The following IGSF9B variants were observed in gnomAD, a reference collection of about 807,000 sequenced individuals.
IGSF9B encodes protein turtle homolog B.
Under a neutral mutation model 143.7 loss-of-function variants are expected in IGSF9B, and 48 were observed. That is an observed-to-expected ratio of 0.33 (90% CI 0.26 to 0.42). IGSF9B has a LOEUF of 0.42. Among genes scored for constraint, IGSF9B ranks in the 20% least tolerant of loss-of-function variants. The pLI is 1.00. For missense variants in IGSF9B, 1,706 were observed against 1,980.0 expected, an observed-to-expected ratio of 0.86 and a Z score of 2.63; for synonymous variants, 903 against 833.1, an observed-to-expected ratio of 1.08 and a Z score of -1.44.
At position 133,925,908 on chromosome 11, in the gene IGSF9B, A is replaced by G. The variant is rs1371540466; in HGVS notation, c.1865T>C (p.Ile622Thr). 2.5e-6 allele frequency: 4 copies of G among 1,611,984 alleles called. No homozygotes were observed. Among genetic ancestry groups the G allele is most frequent in the Non-Finnish European group, 2.5e-6 (3 of 1,179,014 alleles). Residue 622 changes from isoleucine (I) to threonine (T), a missense_variant, in exon 14 of 20, where the codon ATA (isoleucine) becomes ACA (threonine). Coordinates refer to ENST00000533871, the MANE Select transcript of IGSF9B (RefSeq NM_001277285.4). ...LVLVTPPRCL[I>T]ANRTQQGVLL... ...CACACCCTGCTGAGTCCGATTGGCT[A>G]TGAGGCACCTCGGTGGGGTGACCAG...
Position 133,913,936 on chromosome 11 carries a change from A to AG in IGSF9B, c.3984-1930dup, listed in dbSNP as rs774012040. On this transcript the variant is annotated intron_variant, in intron 18 of 19. Coordinates refer to ENST00000533871, the MANE Select transcript of IGSF9B (RefSeq NM_001277285.4). The surrounding 1 kb of genome is among the most constrained non-coding windows in gnomAD (Gnocchi z 4.6). ...CACACAGGGTGAGCGACGTGTGGTC[A>AG]GGGAGGCGCATGACCGGCAAGAAGA... 2.6e-5 allele frequency among the ~76,000 whole-genome samples: 4 copies of AG among 152,190 alleles called. No individual in the cohort carries two copies. Among genetic ancestry groups the AG allele is most frequent in the Admixed American group, 2.0e-4 (3 of 15,280 alleles).
chr11:133,935,566 C>G (rs910967392), intron 7 of IGSF9B, 51 bp downstream of exon 7: 44 of 1,569,876 alleles, frequency 2.8e-5, no homozygotes, highest in Admixed American at 5.4e-5. Flanking sequence ...TGGCTAACAC[C>G]AAAACCTTCT....
At chr11:133,926,059 G>A (rs1208045153) in intron 13 of IGSF9B, 94 bp from the exon 14 acceptor site, 1 of 895,366 alleles carries the variant, frequency 1.1e-6, no homozygotes, top group East Asian at 2.7e-5. Flanking sequence ...TCAGGGCCCA[G>A]AGGGAAGCAG....
chr11:133,939,969 C>T (rs1216987459), intron 3 of IGSF9B, among the ~76,000 whole-genome samples: 2 of 145,498 alleles, frequency 1.4e-5, no homozygotes, highest in Non-Finnish European at 3.0e-5. Context: ...TCCTCGCATG[C>T]GTCATCACAT....
chr11:133,927,134 TG>T (rs1467990069), intron 12 of IGSF9B, 43 bp from the exon 13 acceptor site: 16 of 1,473,352 alleles, frequency 1.1e-5, no homozygotes, highest in Non-Finnish European at 1.4e-5. Flanking sequence ...AGGGGCGGGG[TG>T]GGTCACACTG....
intron 4 of IGSF9B, 42 bp downstream of exon 4, chr11:133,937,768 G>A (rs1939852709): frequency 6.3e-7 from 1 of 1,592,978 alleles, no homozygotes; most frequent in African/African-American, 1.3e-5. Flanking sequence ...TGGGGAAACG[G>A]GGGAAGAGAC....
At position 133,932,107 on chromosome 11, in the gene IGSF9B, C is replaced by G; in HGVS notation, c.1074G>C (p.Lys358Asn). 1 of 1,613,896 alleles carries G rather than the reference C, an allele frequency of 6.2e-7. No individual in the cohort carries two copies. Among genetic ancestry groups the G allele is most frequent in the Non-Finnish European group, 8.5e-7 (1 of 1,179,832 alleles). ...GCAGGGGACGGCCGTCCTTGTTCCA[C>G]TTGACCACGGTGGCCGGTGGTTCTG... ...VDAEPPATVV[K>N]WNKDGRPLQV... Residue 358 changes from lysine (K) to asparagine (N), a missense_variant, in exon 8 of 20, where the codon AAG (lysine) becomes AAC (asparagine). This residue lies in a region of IGSF9B where 238 missense variants were observed against 452.6 expected (regional missense o/e 0.53). Coordinates refer to ENST00000533871, the MANE Select transcript of IGSF9B (RefSeq NM_001277285.4).
Position 133,919,099 on chromosome 11 carries a change from C to G in IGSF9B, c.3983+643G>C, listed in dbSNP as rs766389662. 16 of 345,420 alleles carry G rather than the reference C, an allele frequency of 4.6e-5. 1 individual carries two copies. Among genetic ancestry groups the G allele is most frequent in the Non-Finnish European group, 8.7e-5 (15 of 173,088 alleles). The allele number at this position is 345,420 out of a possible 1,614,324, so 21.4% of individuals were successfully genotyped here. On this transcript the variant is annotated intron_variant, in intron 18 of 19. Transcript: ENST00000533871. ...TCGCGGGAGCTGGTCTGTCTCTCTG[C>G]AGCTTCCTGCGAGGTATACGGGGGG...
chr11:133,931,020 T>C lies in IGSF9B; in HGVS notation c.1483A>G (p.Thr495Ala), dbSNP rs1939717204. Reference sequence around the variant, plus strand: ...AGGTGGGTGCTGGCAGTGATGCTCGTGACCACGTTGGTGGCGACACATTCC... The same window carrying C: ...AGGTGGGTGCTGGCAGTGATGCTCGCGACCACGTTGGTGGCGACACATTCC... ...EWECVATNVVTSITASTHLTV... is the reference protein window; with the variant it reads ...EWECVATNVVASITASTHLTV... The change falls in exon 11 of 20, where the codon ACG becomes GCG. Residue 495 changes from threonine (T) to alanine (A), a missense_variant. By Grantham distance (58) the Thr-to-Ala change is moderately conservative. Around this residue, in one of 7 missense-constraint regions of IGSF9B, gnomAD observed 267 missense variants for 321.1 expected, o/e 0.83. Coordinates refer to ENST00000533871, the MANE Select transcript of IGSF9B (RefSeq NM_001277285.4). This position sits in a 1 kb window ranked among gnomAD's most constrained non-coding sequence, Gnocchi z 7.7. The C allele has an allele frequency of 6.2e-7, 1 of 1,613,494 alleles. No homozygotes were observed. Among genetic ancestry groups the C allele is most frequent in the Non-Finnish European group, 8.5e-7 (1 of 1,179,692 alleles).
chr11:133,925,052 G>A lies in IGSF9B; in HGVS notation c.2035-148C>T. On this transcript the variant is annotated intron_variant, in intron 14 of 19. Transcript: ENST00000533871. Reference sequence around the variant, plus strand: ...AAGTGTCTAATGCTAAGCGATGGTAGCACTGGCCAATTGCTGTGGTGTAAA... The same window carrying A: ...AAGTGTCTAATGCTAAGCGATGGTAACACTGGCCAATTGCTGTGGTGTAAA... 6.0e-6 allele frequency: 4 copies of A among 669,150 alleles called. No homozygotes were observed. In the South Asian group the frequency reaches 7.3e-5, roughly 12 times the overall value. 41.5% of individuals were successfully genotyped at this position (669,150 alleles called of 1,614,324 possible). A position where few individuals can be genotyped will look rare whatever the true frequency, so the allele number is the denominator to read the frequency against.
intron 15 of IGSF9B, among the ~76,000 whole-genome samples, chr11:133,924,271 G>A (rs1939587430): frequency 6.6e-6 from 1 of 152,222 alleles, no homozygotes; most frequent in African/African-American, 2.4e-5. Flanking sequence ...GAGAAGATGT[G>A]TAGAAATGGG....
rs1939266250 is a variant in IGSF9B, at chr11:133,909,395, T to G, written c.4106-118A>C. The G allele has an allele frequency of 1.2e-6, 1 of 844,818 alleles. No homozygotes were observed. The highest frequency in any genetic ancestry group is 1.9e-6 in the Non-Finnish European group (1 of 534,552). The allele number at this position is 844,818 out of a possible 1,614,324, so 52.3% of individuals were successfully genotyped here. Reference sequence around the variant, plus strand: ...GGTTTCTAATGTTGAAACAAAGGAATCACCTGAGTCTAGAGAGACCAGACC... The same window carrying G: ...GGTTTCTAATGTTGAAACAAAGGAAGCACCTGAGTCTAGAGAGACCAGACC... On this transcript the variant is annotated intron_variant, in intron 19 of 19. Coordinates refer to ENST00000533871, the MANE Select transcript of IGSF9B (RefSeq NM_001277285.4). This position sits in a 1 kb window ranked among gnomAD's most constrained non-coding sequence, Gnocchi z 4.2.
intron 15 of IGSF9B, among the ~76,000 whole-genome samples, chr11:133,923,282 C>T (rs1469930989): frequency 2.0e-5 from 3 of 152,184 alleles, no homozygotes; most frequent in Non-Finnish European, 4.4e-5. Context: ...GGATAAAATA[C>T]GACTGCAGGA....
In IGSF9B at chr11:133,945,897, A is replaced by G. The variant is rs11223635; in HGVS notation, c.262+164T>C. Among the ~76,000 whole-genome samples, 76,110 of 151,592 alleles carry G rather than the reference A, an allele frequency of 0.5. 19,836 individuals are homozygous for G. Among genetic ancestry groups the G allele is most frequent in the African/African-American group, 0.64 (26,340 of 41,308 alleles). The stretch of plus-strand genomic sequence containing the variant: ...CCCACCTCCACAGCCCTCTCCTCCC[A>G]CCGCTTGATTAGAACCAACAGAGGA... On this transcript the variant is annotated intron_variant, in intron 2 of 19. Coordinates refer to ENST00000533871, the MANE Select transcript of IGSF9B (RefSeq NM_001277285.4). This position sits in a 1 kb window ranked among gnomAD's most constrained non-coding sequence, Gnocchi z 4.6.
intron 18 of IGSF9B, among the ~76,000 whole-genome samples, chr11:133,919,458 A>T (rs1052698343): frequency 1.3e-5 from 2 of 152,128 alleles, no homozygotes; most frequent in Non-Finnish European, 2.9e-5. Flanking sequence ...ACGCGCTGTG[A>T]TCCGCCGCTC....
At position 133,931,263 on chromosome 11, in the gene IGSF9B, C is replaced by G; in HGVS notation, c.1369-129G>C. ...CGCTGCCCTCCTCCCGAGTGCCTGCCGCTCTTCAGGGTCAGCTCACTGCTC... is the reference window on the plus strand; with the variant it reads ...CGCTGCCCTCCTCCCGAGTGCCTGCGGCTCTTCAGGGTCAGCTCACTGCTC... On this transcript the variant is annotated intron_variant, in intron 10 of 19. Coordinates refer to ENST00000533871, the MANE Select transcript of IGSF9B (RefSeq NM_001277285.4). This position sits in a 1 kb window ranked among gnomAD's most constrained non-coding sequence, Gnocchi z 7.7. 2 of 1,041,312 alleles carry G rather than the reference C, an allele frequency of 1.9e-6. No individual in the cohort carries two copies. The highest frequency in any genetic ancestry group is 2.8e-6 in the Non-Finnish European group (2 of 704,340). The allele number at this position is 1,041,312 out of a possible 1,614,324, so 64.5% of individuals were successfully genotyped here.
At chr11:133,918,579 C>G (rs961209481) in intron 18 of IGSF9B, among the ~76,000 whole-genome samples, 1 of 152,176 alleles carries the variant, frequency 6.6e-6, no homozygotes, top group African/African-American at 2.4e-5. Context: ...CCCGCACCCC[C>G]TTCCTCGGCC....
At chr11:133,932,663 C>T (rs1939757639) in intron 7 of IGSF9B, among the ~76,000 whole-genome samples, 1 of 118,106 alleles carries the variant, frequency 8.5e-6, no homozygotes, top group African/African-American at 3.3e-5. Context: ...CAGACAGACA[C>T]AGGGAAGCCA....
At chr11:133,944,425 CGCCCCCT>C (rs1420980068) in intron 2 of IGSF9B, 59 bp from the exon 3 acceptor site, 1 of 1,554,064 alleles carries the variant, frequency 6.4e-7, no homozygotes. Flanking sequence ...AGCAGCTCCC[CGCCCCCT>C]GCCCCAGCTA....
Sources: gnomAD v4.1 joint callset for allele counts (sites outside exome capture counted in the v4.1 genomes callset) on GRCh38, gnomAD v4.1.1 for gene constraint, gnomAD v4.1.1 regional missense constraint, Gnocchi (gnomAD v3.1) non-coding constraint, MANE v1.5 for transcripts, NCBI Gene and HGNC (gene_info 2026-07-23, HGNC 2026-07-21) for gene names.